Variants in GMDS observed in about 807,000 individuals in gnomAD.
GMDS encodes the protein GDP-mannose 4,6-dehydratase, also known as GDP-mannose 4,6 dehydratase.
In GMDS, 20 loss-of-function variants were observed where a neutral mutation model predicts 49.9. That is an observed-to-expected ratio of 0.40 (90% CI 0.28 to 0.58). The LOEUF (loss-of-function observed/expected upper bound fraction) is 0.58, where lower values mean the gene tolerates loss of function less well. Among genes scored for constraint, GMDS ranks in the 20% least tolerant of loss-of-function variants. The pLI is 0.42. For missense variants in GMDS, 362 were observed against 481.4 expected (o/e 0.75, Z 2.32); for synonymous variants, 177 against 178.6 (o/e 0.99, Z 0.07).
intron 9 of GMDS, among the ~76,000 whole-genome samples, chr6:1,706,990 T>C (rs551682014): frequency 6.6e-6 from 1 of 152,336 alleles, no homozygotes; most frequent in South Asian, 2.1e-4. Context: ...GCATTTGGCA[T>C]CTCATACTGG....
rs775592673 is a variant in GMDS, at chr6:1,755,278, T to C, written c.772-12692A>G. Among the ~76,000 whole-genome samples, 15 of 152,266 alleles carry C rather than the reference T, an allele frequency of 9.9e-5. No individual in the cohort carries two copies. The Middle Eastern group carries it at 0.01, about 104-fold the overall frequency. On this transcript the variant is annotated intron_variant, in intron 7 of 10. Coordinates refer to ENST00000380815, the MANE Select transcript of GMDS (RefSeq NM_001500.4). ...ATCATGAGTGAACTCCCATTCACAATTGCTACAAAGAGAATAAAATACCTA... is the reference window on the plus strand; with the variant it reads ...ATCATGAGTGAACTCCCATTCACAACTGCTACAAAGAGAATAAAATACCTA...
intron 1 of GMDS, among the ~76,000 whole-genome samples, chr6:2,203,163 C>T (rs1779628254): frequency 6.6e-6 from 1 of 152,120 alleles, no homozygotes; most frequent in African/African-American, 2.4e-5. Context: ...AAGGCCGATG[C>T]TTATGTACTG....
chr6:1,947,445 G>A (rs1320366413), intron 6 of GMDS, among the ~76,000 whole-genome samples: 2 of 152,206 alleles, frequency 1.3e-5, no homozygotes, highest in Admixed American at 6.5e-5. Flanking sequence ...TCTTTACACT[G>A]TGTGGGCATT....
chr6:1,764,099 A>G (rs1768260192), intron 7 of GMDS, among the ~76,000 whole-genome samples: 1 of 152,182 alleles, frequency 6.6e-6, no homozygotes, highest in Non-Finnish European at 1.5e-5. Context: ...GCGAAGAAAA[A>G]AAAAAGCTGT....
intron 9 of GMDS, among the ~76,000 whole-genome samples, chr6:1,689,979 T>TAAACCC (rs1208007054): frequency 7.9e-5 from 12 of 152,016 alleles, no homozygotes; most frequent in Non-Finnish European, 1.6e-4. Flanking sequence ...TGGGTACCCA[T>TAAACCC]CTGTAATCCC....
chr6:2,048,378 T>C (rs1197918446), intron 4 of GMDS, among the ~76,000 whole-genome samples: 1 of 152,210 alleles, frequency 6.6e-6, no homozygotes, highest in African/African-American at 2.4e-5. Context: ...TCCTTAATAC[T>C]CTGTTCCACT....
intron 1 of GMDS, among the ~76,000 whole-genome samples, chr6:2,235,344 T>C (rs1295009440): frequency 3.3e-5 from 5 of 152,162 alleles, no homozygotes; most frequent in Non-Finnish European, 5.9e-5. Flanking sequence ...AAACCTACTA[T>C]ACTTCCCATG....
At chr6:1,869,369 C>T (rs545379680) in intron 7 of GMDS, among the ~76,000 whole-genome samples, 1 of 152,268 alleles carries the variant, frequency 6.6e-6, no homozygotes, top group South Asian at 2.1e-4. Context: ...GGTGATCCAT[C>T]TGTGGCCCAG....
intron 7 of GMDS, among the ~76,000 whole-genome samples, chr6:1,901,541 T>C (rs1034686128): frequency 6.6e-5 from 10 of 152,210 alleles, no homozygotes; most frequent in African/African-American, 1.7e-4. Flanking sequence ...CATATTATGG[T>C]TTCCACAAAA....
chr6:2,235,182 A>G (rs921050234), intron 1 of GMDS, among the ~76,000 whole-genome samples: 4 of 152,238 alleles, frequency 2.6e-5, no homozygotes, highest in South Asian at 4.1e-4. Flanking sequence ...AAGGTGCCAC[A>G]GCCAACAGAG....
In GMDS at chr6:2,115,798, G is replaced by T; in HGVS notation, c.318C>A (p.Tyr106Ter). 1 of 1,601,024 alleles carries T rather than the reference G, an allele frequency of 6.2e-7. No homozygotes were observed. The highest frequency in any genetic ancestry group is 8.6e-7 in the Non-Finnish European group (1 of 1,168,276). The change falls in exon 4 of 11, where the codon TAC becomes TAA. Residue 106 changes from tyrosine (Y) to a stop codon, truncating the protein, a stop_gained. Transcript: ENST00000380815. LOFTEE classifies it high-confidence loss of function. ...TGACGTGGCTCTGGGCTCCAAGGTT[G>T]TAGATCTCTGTGGGCTTTACTTCAT... ...IINEVKPTEI[Y>*]NLGAQSHVKI...
chr6:1,655,381 T>C (rs1470474505), intron 9 of GMDS, among the ~76,000 whole-genome samples: 2 of 152,172 alleles, frequency 1.3e-5, no homozygotes, highest in African/African-American at 4.8e-5. Flanking sequence ...CTATTTCATA[T>C]TGCACTGACA....
chr6:2,158,806 C>T (rs373176083), intron 1 of GMDS, among the ~76,000 whole-genome samples: 1 of 152,202 alleles, frequency 6.6e-6, no homozygotes, highest in Non-Finnish European at 1.5e-5. Context: ...TTTCCTTTGC[C>T]AACCGGCATC....
chr6:1,703,194 G>A (rs1765605411), intron 9 of GMDS, among the ~76,000 whole-genome samples: 1 of 152,132 alleles, frequency 6.6e-6, no homozygotes, highest in South Asian at 2.1e-4. Context: ...GGCATGGTAG[G>A]GAAAAGTGAG....
intron 4 of GMDS, among the ~76,000 whole-genome samples, chr6:2,051,257 G>C (rs1770378705): frequency 6.6e-6 from 1 of 152,162 alleles, no homozygotes; most frequent in Non-Finnish European, 1.5e-5. Flanking sequence ...GTTGGCTTCA[G>C]GTCTCCTGTA....
chr6:2,037,714 G>T (rs1255081941), intron 4 of GMDS, among the ~76,000 whole-genome samples: 1 of 152,090 alleles, frequency 6.6e-6, no homozygotes, highest in Non-Finnish European at 1.5e-5. Flanking sequence ...AGAAGTGGTT[G>T]CTTGGGATTT....
chr6:2,054,758 A>T (rs553680813), intron 4 of GMDS, among the ~76,000 whole-genome samples: 3 of 146,468 alleles, frequency 2.0e-5, no homozygotes, highest in African/African-American at 7.4e-5. Flanking sequence ...CCAGGGGGGG[A>T]AAAAAAAAAC....
At chr6:1,637,906 T>A (rs1763214383) in intron 9 of GMDS, among the ~76,000 whole-genome samples, 1 of 152,230 alleles carries the variant, frequency 6.6e-6, no homozygotes, top group African/African-American at 2.4e-5. Context: ...TCGAGGTGGA[T>A]CCTGGATTCA....
chr6:1,918,898 A>T (rs1172842613), intron 7 of GMDS, among the ~76,000 whole-genome samples: 1 of 152,248 alleles, frequency 6.6e-6, no homozygotes, highest in Non-Finnish European at 1.5e-5. Context: ...CCAGAAAGAA[A>T]GGTGCTTGCA....
Sources: allele counts gnomAD v4.1 joint callset (sites outside exome capture counted in the v4.1 genomes callset), GRCh38; gene constraint gnomAD v4.1.1; transcripts MANE v1.5; gene names NCBI Gene and HGNC (gene_info 2026-07-23, HGNC 2026-07-21).